Variants in ARL13B observed in about 807,000 individuals in gnomAD.
The protein encoded by ARL13B is ARF like GTPase 13B.
ARL13B carries 36 observed loss-of-function variants against 56.1 expected under a neutral mutation model. The observed-to-expected ratio is 0.64, with a 90% CI of 0.49 to 0.85. The LOEUF (loss-of-function observed/expected upper bound fraction) is 0.85, where lower values mean the gene tolerates loss of function less well. ARL13B is among the 40% of genes least tolerant of loss of function. ARL13B has a pLI of 0.00. For missense variants in ARL13B, 519 were observed against 507.1 expected (o/e 1.02, Z -0.23); for synonymous variants, 178 against 171.1 (o/e 1.04, Z -0.32).
At chr3:94,023,686 T>A (rs947277537) in intron 3 of ARL13B, among the ~76,000 whole-genome samples, 2 of 152,160 alleles carry the variant, frequency 1.3e-5, no homozygotes, top group African/African-American at 4.8e-5. Flanking sequence ...TAGACATATC[T>A]ACTTGATTGC....
At chr3:94,046,726 A>G in intron 7 of ARL13B, among the ~76,000 whole-genome samples, 1 of 152,222 alleles carries the variant, frequency 6.6e-6, no homozygotes. Context: ...TAAATGCTAC[A>G]TCAGCATCAT....
chr3:94,026,656 A>G (rs867535760), intron 3 of ARL13B, among the ~76,000 whole-genome samples: 2 of 152,184 alleles, frequency 1.3e-5, no homozygotes, highest in Non-Finnish European at 1.5e-5. Context: ...TGAAGCTCAT[A>G]GTTGTGAAAT....
At chr3:94,042,971 A>T (rs762609762) in intron 6 of ARL13B, 44 bp from the exon 7 acceptor site, 1 of 1,489,228 alleles carries the variant, frequency 6.7e-7, no homozygotes, top group Non-Finnish European at 9.1e-7. Context: ...ACTATCTTAG[A>T]TAAAACCATC....
intron 9 of ARL13B, among the ~76,000 whole-genome samples, chr3:94,052,348 G>A (rs1491003633): frequency 6.6e-6 from 1 of 152,104 alleles, no homozygotes; most frequent in African/African-American, 2.4e-5. Flanking sequence ...TCAGCTTACT[G>A]TAGAATATAT....
intron 7 of ARL13B, among the ~76,000 whole-genome samples, chr3:94,044,855 G>C (rs2076953266): frequency 6.6e-6 from 1 of 151,710 alleles, no homozygotes; most frequent in African/African-American, 2.4e-5. Flanking sequence ...TCTGGGAAGT[G>C]AGGAGCGTCT....
At chr3:93,985,386 A>C (rs569363512) in intron 1 of ARL13B, among the ~76,000 whole-genome samples, 5 of 152,332 alleles carry the variant, frequency 3.3e-5, no homozygotes, top group Admixed American at 6.5e-5. Flanking sequence ...TAATGATCGA[A>C]TATGCAAGAG....
At chr3:94,021,583 C>T (rs954320754) in intron 3 of ARL13B, among the ~76,000 whole-genome samples, 4 of 152,086 alleles carry the variant, frequency 2.6e-5, no homozygotes, top group Non-Finnish European at 2.9e-5. Context: ...AAACTTTTTA[C>T]CATGTGGCAA....
At chr3:93,985,329 T>A (rs1317518623) in intron 1 of ARL13B, among the ~76,000 whole-genome samples, 1 of 152,212 alleles carries the variant, frequency 6.6e-6, no homozygotes, top group Non-Finnish European at 1.5e-5. Context: ...TGAGCTCCTG[T>A]TATTTATAAC....
intron 3 of ARL13B, among the ~76,000 whole-genome samples, chr3:94,019,406 A>G (rs903350268): frequency 3.3e-5 from 5 of 151,332 alleles, no homozygotes; most frequent in Admixed American, 1.3e-4. Context: ...CATATTGGTC[A>G]GGTTGGTCTT....
At chr3:94,038,488 T>G (rs1026449864) in intron 5 of ARL13B, among the ~76,000 whole-genome samples, 14 of 146,458 alleles carry the variant, frequency 9.6e-5, no homozygotes, top group Non-Finnish European at 1.8e-4. Context: ...GTTTCTTTCT[T>G]TTTTTTTTTT....
chr3:94,024,388 T>A (rs950990253), intron 3 of ARL13B, among the ~76,000 whole-genome samples: 5 of 152,222 alleles, frequency 3.3e-5, no homozygotes, highest in African/African-American at 1.2e-4. Context: ...AAAACAGATT[T>A]TGATTTTCTA....
chr3:94,032,589 C>T (rs1174914050), intron 3 of ARL13B, among the ~76,000 whole-genome samples: 3 of 152,092 alleles, frequency 2.0e-5, no homozygotes, highest in East Asian at 3.9e-4. Flanking sequence ...CTCTGCCTCC[C>T]GGGTTCATGC....
intron 3 of ARL13B, chr3:94,014,965 G>C: frequency 6.2e-7 from 1 of 1,613,882 alleles, no homozygotes; most frequent in Non-Finnish European, 8.5e-7. Context: ...GATGTATTCT[G>C]CCTGAATTTT....
intron 5 of ARL13B, among the ~76,000 whole-genome samples, chr3:94,037,601 G>A (rs1022759480): frequency 1.3e-5 from 2 of 151,948 alleles, no homozygotes; most frequent in Admixed American, 1.3e-4. Context: ...GTTGATACAA[G>A]GTTTTAGTTC....
intron 3 of ARL13B, among the ~76,000 whole-genome samples, chr3:94,009,739 A>G (rs963149464): frequency 1.3e-5 from 2 of 152,042 alleles, no homozygotes; most frequent in African/African-American, 2.4e-5. Context: ...CATCTTCATT[A>G]ATGTCATTTA....
At chr3:94,029,561 G>A (rs1395034085) in intron 3 of ARL13B, among the ~76,000 whole-genome samples, 2 of 151,196 alleles carry the variant, frequency 1.3e-5, no homozygotes, top group African/African-American at 2.4e-5. Flanking sequence ...GGCTGGTCTC[G>A]AACTCCTGAC....
At chr3:94,036,923 G>C (rs573944172) in intron 5 of ARL13B, among the ~76,000 whole-genome samples, 169 bp downstream of exon 5, 114 of 152,252 alleles carry the variant, frequency 7.5e-4, no homozygotes, top group African/African-American at 2.7e-3. Flanking sequence ...TTGGGTGGTA[G>C]ATTCCTAATT....
chr3:94,025,617 T>C (rs148650017), intron 3 of ARL13B, among the ~76,000 whole-genome samples: 6 of 152,332 alleles, frequency 3.9e-5, no homozygotes, highest in African/African-American at 1.2e-4. Flanking sequence ...TGGGGAGTTA[T>C]ACAAGAATGC....
chr3:94,053,776 T>C lies in ARL13B; in HGVS notation c.*513T>C, dbSNP rs2077102823. 1 of 296,136 alleles carries C rather than the reference T, an allele frequency of 3.4e-6. No individual in the cohort carries two copies. Among genetic ancestry groups the C allele is most frequent in the Non-Finnish European group, 6.5e-6 (1 of 153,000 alleles). The allele number at this position is 296,136 out of a possible 1,614,324, so 18.3% of individuals were successfully genotyped here. On this transcript the variant is annotated 3_prime_UTR_variant, in exon 10 of 10. Transcript: ENST00000394222. ...ATTGATTATACACCTTTTTTATAGA[T>C]GATTTGTTTAAATTATATCTGGAAA...
Sources: gnomAD v4.1 joint callset for allele counts (sites outside exome capture counted in the v4.1 genomes callset) on GRCh38, gnomAD v4.1.1 for gene constraint, MANE v1.5 for transcripts, NCBI Gene and HGNC (gene_info 2026-07-23, HGNC 2026-07-21) for gene names.